The following KIAA1614 variants were observed in gnomAD, a reference collection of about 807,000 sequenced individuals.
The protein encoded by KIAA1614 is uncharacterized protein KIAA1614.
KIAA1614 carries 76 observed loss-of-function variants against 88.7 expected under a neutral mutation model. That is an observed-to-expected ratio of 0.86 (90% CI 0.71 to 1.04). The LOEUF (loss-of-function observed/expected upper bound fraction) is 1.04. Ranked by LOEUF, KIAA1614 falls within the 50% of genes least tolerant of loss-of-function variation. KIAA1614 has a pLI of 0.00. For synonymous variants in KIAA1614, 714 were observed against 675.5 expected (o/e 1.06, Z -0.88); for missense variants, 1,553 against 1,582.5 (o/e 0.98, Z 0.32).
intron 3 of KIAA1614, among the ~76,000 whole-genome samples, chr1:180,925,504 A>G (rs1399784654): frequency 6.6e-6 from 1 of 152,248 alleles, no homozygotes; most frequent in Non-Finnish European, 1.5e-5. Context: ...GGTTAAACAC[A>G]GACTCGCTGA....
Position 180,935,546 on chromosome 1 carries a change from C to G in KIAA1614, c.1637C>G (p.Pro546Arg), listed in dbSNP as rs761148715. ...CQACGSCIDD[P>R]RPAQGKAPPV... ...GCCTGCGGCAGCTGCATCGACGACC[C>G]GCGCCCCGCCCAGGGGAAGGCGCCC... Residue 546 changes from proline to arginine, a missense_variant, in exon 5 of 9, where the codon CCG becomes CGG. Pro to Arg is a moderately radical substitution (Grantham distance 103). Coordinates refer to ENST00000367588, the MANE Select transcript of KIAA1614 (RefSeq NM_020950.2). This position sits in a 1 kb window ranked among gnomAD's most constrained non-coding sequence, Gnocchi z 6.1. 6.9e-6 allele frequency: 11 copies of G among 1,586,326 alleles called. No individual in the cohort carries two copies. The highest frequency in any genetic ancestry group is 8.6e-6 in the Non-Finnish European group (10 of 1,167,840).
Position 180,916,624 on chromosome 1 carries a change from C to A in KIAA1614, c.521C>A (p.Ala174Asp), listed in dbSNP as rs779954915. The A allele has an allele frequency of 1.9e-6, 3 of 1,601,778 alleles. No homozygotes were observed. In the South Asian group the frequency reaches 3.4e-5, roughly 18 times the overall value. The change falls in exon 2 of 9, where the codon GCC becomes GAC. Residue 174 changes from alanine (A) to aspartate (D), a missense_variant. Physicochemically the swap from Ala to Asp is moderately radical, Grantham distance 126 (BLOSUM62 -2). Coordinates refer to ENST00000367588, the MANE Select transcript of KIAA1614 (RefSeq NM_020950.2). The stretch of plus-strand genomic sequence containing the variant: ...GGCCCCAGGCTTCCCAGGCCGCCTG[C>A]CCCTGGACGTGAGTACTGCAACAGG... ...DGGPRLPRPP[A>D]PGREYCNRGS...
chr1:180,944,705 C>A, intron 8 of KIAA1614, 189 bp downstream of exon 8: 1 of 543,982 alleles, frequency 1.8e-6, no homozygotes, highest in African/African-American at 1.9e-5. Flanking sequence ...TGCATGGACC[C>A]TCGGTGCATT....
intron 1 of KIAA1614, 21 bp downstream of exon 1, chr1:180,913,314 G>A: frequency 8.1e-7 from 1 of 1,238,274 alleles, no homozygotes; most frequent in South Asian, 3.9e-5. Flanking sequence ...AGGAGGCAGC[G>A]CCGGGCCGGC....
intron 3 of KIAA1614, among the ~76,000 whole-genome samples, chr1:180,921,305 G>A (rs534929488): frequency 1.1e-3 from 170 of 152,230 alleles, no homozygotes; most frequent in African/African-American, 3.8e-3. Context: ...GATAGGAACC[G>A]GCCATTTTCA....
chr1:180,915,681 C>T (rs1001764217), intron 1 of KIAA1614, among the ~76,000 whole-genome samples: 1 of 152,184 alleles, frequency 6.6e-6, no homozygotes, highest in African/African-American at 2.4e-5. Flanking sequence ...GAACCAATAG[C>T]GGTCCACAGC....
At chr1:180,937,170 C>T (rs10753228) in intron 5 of KIAA1614, among the ~76,000 whole-genome samples, 6 of 152,236 alleles carry the variant, frequency 3.9e-5, no homozygotes, top group Non-Finnish European at 7.4e-5. Flanking sequence ...TCATTCCTTC[C>T]GCATTGGCTG....
At chr1:180,922,507 A>C (rs1653978371) in intron 3 of KIAA1614, among the ~76,000 whole-genome samples, 1 of 152,100 alleles carries the variant, frequency 6.6e-6, no homozygotes, top group South Asian at 2.1e-4. Flanking sequence ...CCTCCCCTCA[A>C]GCAGTTTCTA....
At position 180,938,540 on chromosome 1, in the gene KIAA1614, C is replaced by T. The variant is rs1654381941; in HGVS notation, c.2762-15C>T. The T allele has an allele frequency of 6.2e-7, 1 of 1,612,850 alleles. No individual in the cohort carries two copies. Among genetic ancestry groups the T allele is most frequent in the Admixed American group, 1.7e-5 (1 of 59,922 alleles). Reference sequence around the variant, plus strand: ...GAGCCGGTCTGACTCAGGTGGGATGCTGTGCTTGTTTCAGGAGGACCCCAG... The same window carrying T: ...GAGCCGGTCTGACTCAGGTGGGATGTTGTGCTTGTTTCAGGAGGACCCCAG... On this transcript the variant is annotated splice_polypyrimidine_tract_variant and intron_variant, in intron 5 of 8. Transcript: ENST00000367588.
At chr1:180,933,146 C>A (rs1168114680) in intron 4 of KIAA1614, among the ~76,000 whole-genome samples, 1 of 152,190 alleles carries the variant, frequency 6.6e-6, no homozygotes, top group Non-Finnish European at 1.5e-5. Flanking sequence ...TGTCCATTGC[C>A]TTTTGCATTC....
In KIAA1614 at chr1:180,914,742, A is replaced by T. The variant is rs930689394; in HGVS notation, c.51-1412A>T. On this transcript the variant is annotated intron_variant, in intron 1 of 8. Coordinates refer to ENST00000367588, the MANE Select transcript of KIAA1614 (RefSeq NM_020950.2). ...TTTTTTGTATTTTTTATTTTTATTT[A>T]TTTTTTTTATTTTTGAGACAGAGTC... Among the ~76,000 whole-genome samples the T allele has an allele frequency of 7.6e-5, 11 of 143,848 alleles. No homozygotes were observed. The East Asian group carries it at 1.4e-3, about 19-fold the overall frequency. 94.4% of individuals were successfully genotyped at this position (143,848 alleles called of 152,430 possible). A position where few individuals can be genotyped will look rare whatever the true frequency, so the allele number is the denominator to read the frequency against.
chr1:180,933,805 G>A (rs1275264310), intron 4 of KIAA1614, among the ~76,000 whole-genome samples: 1 of 152,196 alleles, frequency 6.6e-6, no homozygotes, highest in Non-Finnish European at 1.5e-5. Flanking sequence ...ACGAGAGTGT[G>A]TGTGAGGGCT....
rs201999726 is a variant in KIAA1614 at position 180,943,548 on chromosome 1, A to ATTTTTTTTTTTTTTTTTTTTTTTTTTTT, written c.3160-840_3160-839insTTTTTTTTTTTTTTTTTTTTTTTTTTTT. Among the ~76,000 whole-genome samples the ATTTTTTTTTTTTTTTTTTTTTTTTTTTT allele has an allele frequency of 1.3e-3, 97 of 74,706 alleles. 14 individuals are homozygous for ATTTTTTTTTTTTTTTTTTTTTTTTTTTT. Among genetic ancestry groups the ATTTTTTTTTTTTTTTTTTTTTTTTTTTT allele is most frequent in the African/African-American group, 3.2e-3 (56 of 17,624 alleles). 49.0% of individuals were successfully genotyped at this position (74,706 alleles called of 152,430 possible). On this transcript the variant is annotated intron_variant, in intron 7 of 8. Transcript: ENST00000367588. ...GGATTGTAGGATTGAATGGTAGTAG[A>ATTTTTTTTTTTTTTTTTTTTTTTTTTTT]TCTTTTTTTTTTTTTTTTGAGACAG...
Position 180,950,702 on chromosome 1 carries a change from C to T in KIAA1614, c.*5114C>T, listed in dbSNP as rs529524757. On this transcript the variant is annotated 3_prime_UTR_variant, in exon 9 of 9. Transcript: ENST00000367588. ...TCTGTGGTGGGCTGCCTTTGGGAGA[C>T]GCAAGGAGCCTGTTTGCATATTTTG... is the stretch of plus-strand genomic sequence containing the variant. 5.5e-5 allele frequency: 10 copies of T among 180,272 alleles called. No individual in the cohort carries two copies. The highest frequency in any genetic ancestry group is 5.4e-4 in the South Asian group (3 of 5,534). The allele number at this position is 180,272 out of a possible 1,614,324, so 11.2% of individuals were successfully genotyped here.
intron 5 of KIAA1614, among the ~76,000 whole-genome samples, chr1:180,937,384 A>T (rs1298171524): frequency 6.6e-6 from 1 of 152,204 alleles, no homozygotes; most frequent in Non-Finnish European, 1.5e-5. Context: ...TTGGTGGACC[A>T]GTAGGTTTCA....
intron 3 of KIAA1614, among the ~76,000 whole-genome samples, chr1:180,921,479 AG>A (rs1326745295): frequency 6.6e-6 from 1 of 152,088 alleles, no homozygotes; most frequent in Non-Finnish European, 1.5e-5. Flanking sequence ...GGACTTGCCC[AG>A]GTCCTCTAGC....
chr1:180,935,721 C>G lies in KIAA1614; in HGVS notation c.1812C>G (p.Cys604Trp), dbSNP rs1159216428. 6.2e-7 allele frequency: 1 copy of G among 1,613,620 alleles called. No homozygotes were observed. The highest frequency in any genetic ancestry group is 1.7e-5 in the Admixed American group (1 of 60,010). ...AAACACACATCGGAGACACCGTGTG[C>G]CCTGCGGAGGTGGACTCTGCCCTGG... ...IRETHIGDTV[C>W]PAEVDSALDS... Residue 604 changes from cysteine to tryptophan, a missense_variant, in exon 5 of 9, where the codon TGC (cysteine) becomes TGG (tryptophan). Transcript: ENST00000367588. This position sits in a 1 kb window ranked among gnomAD's most constrained non-coding sequence, Gnocchi z 6.1.
chr1:180,935,814 G>A lies in KIAA1614; in HGVS notation c.1905G>A (p.Trp635Ter). Residue 635 changes from tryptophan to a stop codon, truncating the protein, a stop_gained, in exon 5 of 9, where the codon TGG (tryptophan) becomes TGA (stop). Transcript: ENST00000367588. LOFTEE classifies it high-confidence loss of function. The surrounding 1 kb of genome is among the most constrained non-coding windows in gnomAD (Gnocchi z 6.1). The stretch of plus-strand genomic sequence containing the variant: ...AGGCGGGGACCTCTCAGGCTGGCTG[G>A]GCGTGTGGGCGGACCCAAGGCAGCA... Reference protein sequence around the residue: ...SEEAGTSQAGWACGRTQGSSP... With the variant: ...SEEAGTSQAG The A allele has an allele frequency of 6.2e-7, 1 of 1,613,692 alleles. No homozygotes were observed. The highest frequency in any genetic ancestry group is 8.5e-7 in the Non-Finnish European group (1 of 1,179,906).
chr1:180,937,917 G>C (rs6425656), intron 5 of KIAA1614, among the ~76,000 whole-genome samples: 66,072 of 152,012 alleles, frequency 0.43, 14,528 homozygotes, highest in South Asian at 0.53. Context: ...TCTGGGCAAC[G>C]TGAGCCTTTA....
Sources: allele counts gnomAD v4.1 joint callset (sites outside exome capture counted in the v4.1 genomes callset), GRCh38; gene constraint gnomAD v4.1.1; non-coding constraint Gnocchi (gnomAD v3.1); transcripts MANE v1.5; gene names NCBI Gene and HGNC (gene_info 2026-07-23, HGNC 2026-07-21).